Variants in ECT2L observed in about 807,000 individuals in gnomAD.
ECT2L encodes epithelial cell transforming 2 like.
ECT2L carries 126 observed loss-of-function variants against 122.8 expected under a neutral mutation model. That is an observed-to-expected ratio of 1.03 (90% CI 0.89 to 1.19). The LOEUF is 1.19. Ranked by LOEUF, ECT2L falls within the 50% of genes most tolerant of loss-of-function variation. The pLI is 0.00. For synonymous variants in ECT2L, 385 were observed against 381.8 expected, an observed-to-expected ratio of 1.01 and a Z score of -0.10; for missense variants, 1,012 against 1,064.1, an observed-to-expected ratio of 0.95 and a Z score of 0.68.
rs545831631 is a variant in ECT2L, at chr6:138,818,607, C to T, written c.179+4004C>T. Among the ~76,000 whole-genome samples the T allele has an allele frequency of 3.3e-5, 5 of 152,276 alleles. No homozygotes were observed. The South Asian group carries it at 8.3e-4, about 25-fold the overall frequency. ...AACTTGCTGAAGACAGTAAGGCGGACGTTACTGAGAACCTTGGAGATAGCT... is the reference window on the plus strand; with the variant it reads ...AACTTGCTGAAGACAGTAAGGCGGATGTTACTGAGAACCTTGGAGATAGCT... On this transcript the variant is annotated intron_variant, in intron 4 of 21. Transcript: ENST00000541398.
intron 4 of ECT2L, among the ~76,000 whole-genome samples, chr6:138,827,852 C>A (rs1776506143): frequency 6.6e-6 from 1 of 152,182 alleles, no homozygotes; most frequent in South Asian, 2.1e-4. Flanking sequence ...GACACCACGC[C>A]CAGCCCCCTG....
chr6:138,828,436 G>C (rs1776533443), intron 4 of ECT2L, among the ~76,000 whole-genome samples: 1 of 152,006 alleles, frequency 6.6e-6, no homozygotes, highest in African/African-American at 2.4e-5. Context: ...CCCTTTTCCT[G>C]AAAACTGGTA....
At chr6:138,900,925 G>A (rs1006976574) in intron 20 of ECT2L, 23 bp from the exon 21 acceptor site, 1 of 1,608,364 alleles carries the variant, frequency 6.2e-7, no homozygotes, top group Non-Finnish European at 8.5e-7. Context: ...TATTAAAACT[G>A]TACCTTCTCC....
chr6:138,804,487 A>G (rs140891658), intron 1 of ECT2L, among the ~76,000 whole-genome samples: 78 of 152,252 alleles, frequency 5.1e-4, no homozygotes, highest in African/African-American at 1.8e-3. Flanking sequence ...AAGTCTTGGT[A>G]TCTAGAAACA....
chr6:138,839,223 T>A (rs1200118055), intron 5 of ECT2L, among the ~76,000 whole-genome samples: 1 of 152,218 alleles, frequency 6.6e-6, no homozygotes, highest in African/African-American at 2.4e-5. Flanking sequence ...GAACATACAT[T>A]GAGATCTGTC....
At chr6:138,846,508 A>G (rs1777225674) in intron 7 of ECT2L, 31 bp from the exon 8 acceptor site, 2 of 1,547,730 alleles carry the variant, frequency 1.3e-6, no homozygotes, top group African/African-American at 2.8e-5. Context: ...AGAGAAAATG[A>G]AAACTTCTCA....
intron 1 of ECT2L, among the ~76,000 whole-genome samples, chr6:138,796,895 C>G: frequency 6.6e-6 from 1 of 152,198 alleles, no homozygotes; most frequent in South Asian, 2.1e-4. Context: ...ATTTGTGCTC[C>G]ACAGAAACCT....
intron 20 of ECT2L, among the ~76,000 whole-genome samples, chr6:138,895,004 A>T (rs1779161099): frequency 6.6e-6 from 1 of 152,124 alleles, no homozygotes; most frequent in Non-Finnish European, 1.5e-5. Flanking sequence ...CATTCCCGTA[A>T]TCCCAGCACT....
intron 6 of ECT2L, among the ~76,000 whole-genome samples, chr6:138,844,163 C>A (rs181307382): frequency 1.3e-5 from 2 of 152,202 alleles, no homozygotes; most frequent in Non-Finnish European, 2.9e-5. Context: ...ATTAACTGGT[C>A]CCCACTAGAA....
At chr6:138,826,160 G>A (rs1766663742) in intron 4 of ECT2L, among the ~76,000 whole-genome samples, 1 of 152,120 alleles carries the variant, frequency 6.6e-6, no homozygotes, top group South Asian at 2.1e-4. Flanking sequence ...ACCCCACTTA[G>A]AGGCCATGGC....
In ECT2L at chr6:138,869,343, G is replaced by C. The variant is rs527822512; in HGVS notation, c.1578+1137G>C. 6.1e-4 allele frequency among the ~76,000 whole-genome samples: 93 copies of C among 152,284 alleles called. 1 individual carries two copies. The highest frequency in any genetic ancestry group is 2.1e-3 in the African/African-American group (87 of 41,564). ...TTCCACCATCATAATTCTGCTTTGT[G>C]GGTGAATTTAACATTGTCTCTGCAC... is the stretch of plus-strand genomic sequence containing the variant. On this transcript the variant is annotated intron_variant, in intron 13 of 21. Coordinates refer to ENST00000541398, the MANE Select transcript of ECT2L (RefSeq NM_001077706.3).
At chr6:138,872,228 C>T (rs1434470351) in intron 13 of ECT2L, among the ~76,000 whole-genome samples, 2 of 152,210 alleles carry the variant, frequency 1.3e-5, no homozygotes, top group East Asian at 3.9e-4. Flanking sequence ...GCCCCCAAAT[C>T]GGTATTTTCA....
chr6:138,834,407 A>G (rs2128385286), intron 4 of ECT2L, among the ~76,000 whole-genome samples: 1 of 152,238 alleles, frequency 6.6e-6, no homozygotes, highest in East Asian at 1.9e-4. Context: ...GTGTCCTTGT[A>G]GCAGCATAGA....
At chr6:138,899,411 A>G (rs1380144724) in intron 20 of ECT2L, among the ~76,000 whole-genome samples, 2 of 151,864 alleles carry the variant, frequency 1.3e-5, no homozygotes, top group Non-Finnish European at 2.9e-5. Context: ...TTTGTAAGAT[A>G]ATGGCAATAA....
At chr6:138,879,296 T>C in intron 14 of ECT2L, 1 of 173,500 alleles carries the variant, frequency 5.8e-6, no homozygotes, top group Non-Finnish European at 1.2e-5. Context: ...GTTCTGACCC[T>C]TCCTTGAGCT....
At chr6:138,868,062 T>TA in intron 12 of ECT2L, 41 bp from the exon 13 acceptor site, 1 of 1,336,598 alleles carries the variant, frequency 7.5e-7, no homozygotes, top group Non-Finnish European at 1.0e-6. Context: ...TCACATTTCT[T>TA]ACATAAATCA....
At position 138,849,794 on chromosome 6, in the gene ECT2L, C is replaced by T. The variant is rs7761998; in HGVS notation, c.1069+360C>T. On this transcript the variant is annotated intron_variant, in intron 9 of 21. Coordinates refer to ENST00000541398, the MANE Select transcript of ECT2L (RefSeq NM_001077706.3). ...ATGTTGCCCATGCTGGTCCCAAACTCTCTCCTGCCTTAGCCTCTCAAAGGG... is the reference window on the plus strand; with the variant it reads ...ATGTTGCCCATGCTGGTCCCAAACTTTCTCCTGCCTTAGCCTCTCAAAGGG... Among the ~76,000 whole-genome samples, 238 of 152,236 alleles carry T rather than the reference C, an allele frequency of 1.6e-3. 1 individual carries two copies. Among genetic ancestry groups the T allele is most frequent in the African/African-American group, 5.4e-3 (226 of 41,546 alleles).
chr6:138,796,855 C>T (rs1352010211), intron 1 of ECT2L, among the ~76,000 whole-genome samples: 1 of 152,184 alleles, frequency 6.6e-6, no homozygotes, highest in Non-Finnish European at 1.5e-5. Context: ...TGTATCCAAG[C>T]CTGTTAAAGT....
intron 10 of ECT2L, among the ~76,000 whole-genome samples, chr6:138,856,704 C>T (rs1261923805): frequency 6.6e-6 from 1 of 152,164 alleles, no homozygotes. Context: ...AAACACAACT[C>T]TCTGCACACA....
Sources: allele counts gnomAD v4.1 joint callset (sites outside exome capture counted in the v4.1 genomes callset), GRCh38; gene constraint gnomAD v4.1.1; transcripts MANE v1.5; gene names NCBI Gene and HGNC (gene_info 2026-07-23, HGNC 2026-07-21).